EXOC4: variants seen among roughly 807,000 people sequenced by gnomAD.
EXOC4 encodes exocyst complex component 4, also known as SEC8-like 1.
A neutral mutation model predicts 107.2 loss-of-function variants in EXOC4; 71 were observed. The observed-to-expected ratio is 0.66, with a 90% CI of 0.55 to 0.81. EXOC4 has a LOEUF of 0.81. Ranked by LOEUF, EXOC4 falls within the 30% of genes least tolerant of loss-of-function variation. The pLI is 0.00. For missense variants in EXOC4, 1,108 were observed against 1,189.6 expected (o/e 0.93, Z 1.01); for synonymous variants, 456 against 441.2 (o/e 1.03, Z -0.42).
intron 10 of EXOC4, among the ~76,000 whole-genome samples, chr7:133,736,383 A>G (rs951217063): frequency 4.3e-4 from 65 of 152,278 alleles, no homozygotes; most frequent in South Asian, 2.1e-4. Context: ...AGAAACTTCT[A>G]ATCCTTTGTT....
chr7:133,383,326 T>C (rs572688653), intron 7 of EXOC4, among the ~76,000 whole-genome samples: 8 of 152,346 alleles, frequency 5.3e-5, no homozygotes, highest in African/African-American at 2.4e-5. Flanking sequence ...CATTGTTGAC[T>C]TAAATGTGTA....
chr7:133,986,937 A>T (rs1035405910), intron 14 of EXOC4, among the ~76,000 whole-genome samples: 15 of 152,242 alleles, frequency 9.9e-5, no homozygotes, highest in African/African-American at 3.6e-4. Context: ...AAGAAGTTAG[A>T]TGGAGGGGCT....
At position 133,556,821 on chromosome 7, in the gene EXOC4, G is replaced by A. The variant is rs1253903022; in HGVS notation, c.1418-73224G>A. 2.6e-5 allele frequency among the ~76,000 whole-genome samples: 4 copies of A among 152,122 alleles called. 1 individual carries two copies. The highest frequency in any genetic ancestry group is 6.5e-5 in the Admixed American group (1 of 15,268). On this transcript the variant is annotated intron_variant, in intron 9 of 17. Transcript: ENST00000253861. ...CAGAGGACTAAGGGCTTGATCTTCG[G>A]GGAATCTGTACTTAGATGTAGGTAT...
the EXOC4 span, among the ~76,000 whole-genome samples, chr7:134,072,097 G>A: frequency 6.6e-6 from 1 of 152,148 alleles, no homozygotes; most frequent in South Asian, 2.1e-4. Context: ...TTGGTTCAGG[G>A]GCTGACCCCC....
At chr7:133,961,280 C>CTTTTTTTTTTTTTT in intron 14 of EXOC4, among the ~76,000 whole-genome samples, 1 of 77,018 alleles carries the variant, frequency 1.3e-5, no homozygotes, top group Non-Finnish European at 2.2e-5. Flanking sequence ...TCATGTCAAA[C>CTTTTTTTTTTTTTT]TTTTTTTTTT....
At chr7:133,814,211 A>G (rs1797308154) in intron 10 of EXOC4, among the ~76,000 whole-genome samples, 1 of 152,168 alleles carries the variant, frequency 6.6e-6, no homozygotes, top group Non-Finnish European at 1.5e-5. Context: ...CTTTATGCTA[A>G]AATAAACAAA....
At chr7:133,747,032 G>A (rs981762958) in intron 10 of EXOC4, among the ~76,000 whole-genome samples, 8 of 152,122 alleles carry the variant, frequency 5.3e-5, no homozygotes, top group African/African-American at 1.9e-4. Flanking sequence ...ACTACACCTG[G>A]GGAATGTTAG....
chr7:134,044,983 T>C (rs1795614036), intron 17 of EXOC4, among the ~76,000 whole-genome samples: 1 of 152,130 alleles, frequency 6.6e-6, no homozygotes, highest in Non-Finnish European at 1.5e-5. Flanking sequence ...ACCCTGAAAG[T>C]ATAAAAGAAT....
chr7:133,703,926 A>T (rs1794716056), intron 10 of EXOC4, among the ~76,000 whole-genome samples: 1 of 152,210 alleles, frequency 6.6e-6, no homozygotes, highest in African/African-American at 2.4e-5. Flanking sequence ...TCACTGTATA[A>T]ATCTTTAAAA....
chr7:133,618,221 TTA>T (rs926166332), intron 9 of EXOC4, among the ~76,000 whole-genome samples: 2 of 151,846 alleles, frequency 1.3e-5, no homozygotes, highest in Non-Finnish European at 1.5e-5. Context: ...AATATTCTAG[TTA>T]TATATATATA....
intron 6 of EXOC4, among the ~76,000 whole-genome samples, chr7:133,363,889 A>G (rs1007513570): frequency 6.6e-6 from 1 of 152,206 alleles, no homozygotes; most frequent in African/African-American, 2.4e-5. Context: ...CATTGCAAAA[A>G]TGAACTAACA....
At chr7:133,650,661 T>TA (rs1803120477) in intron 10 of EXOC4, among the ~76,000 whole-genome samples, 1 of 152,140 alleles carries the variant, frequency 6.6e-6, no homozygotes, top group African/African-American at 2.4e-5. Context: ...AAGTGAATCT[T>TA]ATATTAAGAC....
intron 14 of EXOC4, among the ~76,000 whole-genome samples, chr7:133,941,821 TTCTCTCTC>T (rs67720946): frequency 4.6e-5 from 6 of 129,542 alleles, no homozygotes; most frequent in East Asian, 2.1e-4. Context: ...TGCTTACAGA[TTCTCTCTC>T]TCTCTCTCTC....
chr7:133,637,786 C>G (rs1235020642), intron 10 of EXOC4, among the ~76,000 whole-genome samples: 2 of 152,100 alleles, frequency 1.3e-5, no homozygotes, highest in Non-Finnish European at 2.9e-5. Context: ...TTCAAACCAC[C>G]TAACTTTTGG....
intron 10 of EXOC4, among the ~76,000 whole-genome samples, chr7:133,784,430 A>G (rs1294034178): frequency 6.6e-6 from 1 of 152,084 alleles, no homozygotes; most frequent in African/African-American, 2.4e-5. Context: ...CCATTTAGCT[A>G]GGTGATATAT....
At chr7:133,879,248 C>T (rs1226096689) in intron 11 of EXOC4, among the ~76,000 whole-genome samples, 1 of 152,002 alleles carries the variant, frequency 6.6e-6, no homozygotes, top group Non-Finnish European at 1.5e-5. Flanking sequence ...GTACACACAA[C>T]CACATCCAGC....
At chr7:133,283,262 A>G (rs1369557488) in intron 2 of EXOC4, among the ~76,000 whole-genome samples, 1 of 152,032 alleles carries the variant, frequency 6.6e-6, no homozygotes. Flanking sequence ...TTTTGTGGAG[A>G]TGGGTTTTCA....
chr7:133,454,168 A>C (rs556074438), intron 7 of EXOC4, among the ~76,000 whole-genome samples: 11 of 152,234 alleles, frequency 7.2e-5, no homozygotes, highest in Non-Finnish European at 1.6e-4. Flanking sequence ...CGTTATAAAT[A>C]TTCAGTTTCC....
At chr7:134,083,693 A>AG in the EXOC4 span, among the ~76,000 whole-genome samples, 1 of 152,178 alleles carries the variant, frequency 6.6e-6, no homozygotes, top group East Asian at 1.9e-4. Flanking sequence ...GGCTCTAAAA[A>AG]AAACCAAAGC....
Sources: gnomAD v4.1 joint callset for allele counts (sites outside exome capture counted in the v4.1 genomes callset) on GRCh38, gnomAD v4.1.1 for gene constraint, MANE v1.5 for transcripts, NCBI Gene and HGNC (gene_info 2026-07-23, HGNC 2026-07-21) for gene names.